SMYD3: variants seen among roughly 807,000 people sequenced by gnomAD.
SMYD3 encodes the protein histone-lysine N-methyltransferase SMYD3.
In SMYD3, 36 loss-of-function variants were observed where a neutral mutation model predicts 57.7. That is an observed-to-expected ratio of 0.62 (90% CI 0.48 to 0.82). The LOEUF (loss-of-function observed/expected upper bound fraction) is 0.82, where lower values mean the gene tolerates loss of function less well. Among genes scored for constraint, SMYD3 ranks in the 40% least tolerant of loss-of-function variants. SMYD3 has a pLI of 0.00. For synonymous variants in SMYD3, 211 were observed against 195.0 expected (o/e 1.08, Z -0.68); for missense variants, 515 against 538.8 (o/e 0.96, Z 0.44).
At chr1:246,409,792 T>G (rs2066931979) in intron 1 of SMYD3, among the ~76,000 whole-genome samples, 1 of 152,250 alleles carries the variant, frequency 6.6e-6, no homozygotes, top group Non-Finnish European at 1.5e-5. Context: ...ATGATATTGA[T>G]TCTTCCTACC....
chr1:245,890,625 G>A (rs1204370776), intron 8 of SMYD3, among the ~76,000 whole-genome samples: 2 of 152,190 alleles, frequency 1.3e-5, no homozygotes, highest in African/African-American at 4.8e-5. Flanking sequence ...CTATTGTTGG[G>A]AATGTAAATT....
At chr1:246,105,630 G>A (rs1486960321) in intron 5 of SMYD3, among the ~76,000 whole-genome samples, 6 of 152,156 alleles carry the variant, frequency 3.9e-5, no homozygotes, top group Admixed American at 3.9e-4. Flanking sequence ...GAATAACACA[G>A]ACAACGGATT....
intron 11 of SMYD3, among the ~76,000 whole-genome samples, chr1:245,751,302 C>T (rs538196596): frequency 3.7e-4 from 56 of 152,276 alleles, no homozygotes; most frequent in Admixed American, 3.5e-3. Context: ...AGATTTCAGA[C>T]CTTGGTGGTC....
At chr1:245,804,000 G>A (rs138842983) in intron 10 of SMYD3, among the ~76,000 whole-genome samples, 6,185 of 148,170 alleles carry the variant, frequency 0.042, 186 homozygotes, top group Non-Finnish European at 0.064. Context: ...TGCAACCTCC[G>A]CCTCCCGGGT....
chr1:246,158,476 A>C (rs1426996587), intron 5 of SMYD3, among the ~76,000 whole-genome samples: 2 of 152,238 alleles, frequency 1.3e-5, no homozygotes, highest in African/African-American at 2.4e-5. Flanking sequence ...TTTCAGATAA[A>C]TAAATAAATA....
chr1:246,397,255 C>T (rs2066688038), intron 1 of SMYD3, among the ~76,000 whole-genome samples: 1 of 152,148 alleles, frequency 6.6e-6, no homozygotes, highest in African/African-American at 2.4e-5. Flanking sequence ...GGGATCTAGG[C>T]TGCACACTCC....
At chr1:246,353,133 C>G (rs2065858391) in intron 2 of SMYD3, among the ~76,000 whole-genome samples, 1 of 152,190 alleles carries the variant, frequency 6.6e-6, no homozygotes, top group African/African-American at 2.4e-5. Context: ...AACAATCTTA[C>G]ATAAATCAGG....
chr1:245,993,481 T>C (rs2058849140), intron 5 of SMYD3, among the ~76,000 whole-genome samples: 1 of 151,966 alleles, frequency 6.6e-6, no homozygotes, highest in Non-Finnish European at 1.5e-5. Context: ...TCACCTATAA[T>C]CGCAGCTACT....
chr1:246,411,854 TTAGGATATA>T (rs2066977705), intron 1 of SMYD3, among the ~76,000 whole-genome samples: 1 of 144,138 alleles, frequency 6.9e-6, no homozygotes, highest in South Asian at 2.3e-4. Context: ...AGGGATAGCA[TTAGGATATA>T]TACCTAATGC....
chr1:246,481,794 G>C lies in SMYD3; in HGVS notation c.164+25260C>G, dbSNP rs373577733. Among the ~76,000 whole-genome samples, 58 of 145,348 alleles carry C rather than the reference G, an allele frequency of 4.0e-4. 1 individual carries two copies. The highest frequency in any genetic ancestry group is 1.1e-4 in the Non-Finnish European group (7 of 65,906). ...GAAGATATATATATATAGAGAGAGA[G>C]AGATCGATCGATCGATCAATACTCT... On this transcript the variant is annotated intron_variant, in intron 1 of 11. Coordinates refer to ENST00000490107, the MANE Select transcript of SMYD3 (RefSeq NM_001167740.2).
chr1:246,335,735 G>A (rs1304507098), intron 2 of SMYD3, among the ~76,000 whole-genome samples: 2 of 152,142 alleles, frequency 1.3e-5, no homozygotes, highest in African/African-American at 2.4e-5. Context: ...CCTGGCTAGT[G>A]GAGTCCAAAG....
chr1:246,327,038 C>G (rs978203247), intron 5 of SMYD3, 163 bp downstream of exon 5: 8 of 791,572 alleles, frequency 1.0e-5, no homozygotes, highest in Admixed American at 2.6e-5. Context: ...TCAATGCACA[C>G]AATACATTCT....
chr1:246,178,435 C>G (rs761838073), intron 5 of SMYD3, among the ~76,000 whole-genome samples: 1 of 152,104 alleles, frequency 6.6e-6, no homozygotes, highest in Non-Finnish European at 1.5e-5. Flanking sequence ...TGAGAAATGC[C>G]GTAGACAGAG....
chr1:245,950,212 G>A (rs182082131), intron 5 of SMYD3, among the ~76,000 whole-genome samples: 121 of 152,174 alleles, frequency 8.0e-4, no homozygotes, highest in African/African-American at 2.8e-3. Flanking sequence ...TGTTAGGTGA[G>A]GTTAGCCAGA....
At chr1:246,004,876 A>T (rs1404520113) in intron 5 of SMYD3, among the ~76,000 whole-genome samples, 2 of 152,112 alleles carry the variant, frequency 1.3e-5, no homozygotes, top group African/African-American at 2.4e-5. Context: ...ACAGCGTCTC[A>T]CTCTGTCACC....
intron 5 of SMYD3, among the ~76,000 whole-genome samples, chr1:246,158,534 C>T (rs1340570905): frequency 6.6e-6 from 1 of 151,952 alleles, no homozygotes; most frequent in Non-Finnish European, 1.5e-5. Context: ...GAGAACTACC[C>T]CGTAGAGTAA....
intron 5 of SMYD3, among the ~76,000 whole-genome samples, chr1:246,060,309 T>G (rs1163458920): frequency 3.1e-5 from 4 of 127,094 alleles, no homozygotes; most frequent in South Asian, 4.4e-4. Context: ...AAAGGTTGCG[T>G]TTTTTTTTTT....
At chr1:246,216,570 C>T (rs1401132871) in intron 5 of SMYD3, among the ~76,000 whole-genome samples, 1 of 151,968 alleles carries the variant, frequency 6.6e-6, no homozygotes, top group Non-Finnish European at 1.5e-5. Flanking sequence ...TAAAAGAGAA[C>T]GTCTTTGTTT....
chr1:246,352,094 A>ACG (rs1558418293), intron 2 of SMYD3, among the ~76,000 whole-genome samples: 4 of 144,586 alleles, frequency 2.8e-5, no homozygotes. Context: ...CTGAGACGGC[A>ACG]CCACTGCACC....
Sources: gnomAD v4.1 joint callset for allele counts (sites outside exome capture counted in the v4.1 genomes callset) on GRCh38, gnomAD v4.1.1 for gene constraint, MANE v1.5 for transcripts, NCBI Gene and HGNC (gene_info 2026-07-23, HGNC 2026-07-21) for gene names.